NAALADL2: variants seen among roughly 807,000 people sequenced by gnomAD.
NAALADL2 encodes the protein N-acetylated alpha-linked acidic dipeptidase like 2, also known as inactive N-acetylated-alpha-linked acidic dipeptidase-like protein 2.
A neutral mutation model predicts 87.2 loss-of-function variants in NAALADL2; 76 were observed. The ratio of observed to expected loss-of-function variants is 0.87; its 90% CI spans 0.72 to 1.05. The LOEUF is 1.05. Among genes scored for constraint, NAALADL2 ranks in the 50% least tolerant of loss-of-function variants. NAALADL2 has a pLI of 0.00. For missense variants in NAALADL2, 1,089 were observed against 945.8 expected, an observed-to-expected ratio of 1.15 and a Z score of -1.99; for synonymous variants, 354 against 331.0, an observed-to-expected ratio of 1.07 and a Z score of -0.75.
intron 2 of NAALADL2, among the ~76,000 whole-genome samples, chr3:175,204,679 G>A (rs1004862704): frequency 9.4e-5 from 11 of 117,232 alleles, no homozygotes; most frequent in Non-Finnish European, 1.7e-4. Context: ...TGATGTGATT[G>A]TTTACCTTGA....
At chr3:175,563,516 G>T (rs1387716960) in intron 9 of NAALADL2, among the ~76,000 whole-genome samples, 1 of 152,284 alleles carries the variant, frequency 6.6e-6, no homozygotes, top group African/African-American at 2.4e-5. Flanking sequence ...ACTCTAAACT[G>T]GATGGTGTTT....
chr3:175,651,619 T>C (rs1730779584), intron 11 of NAALADL2, among the ~76,000 whole-genome samples: 1 of 152,210 alleles, frequency 6.6e-6, no homozygotes, highest in Admixed American at 6.5e-5. Context: ...ATATAAGTCC[T>C]TCACCACAAC....
At chr3:175,640,788 T>G (rs922814174) in intron 11 of NAALADL2, among the ~76,000 whole-genome samples, 1 of 152,190 alleles carries the variant, frequency 6.6e-6, no homozygotes, top group Non-Finnish European at 1.5e-5. Context: ...TTAACAAGTG[T>G]TGTATACGAG....
At chr3:174,612,824 G>A (rs1720063637) in intron 2 of NAALADL2, among the ~76,000 whole-genome samples, 1 of 152,048 alleles carries the variant, frequency 6.6e-6, no homozygotes, top group Non-Finnish European at 1.5e-5. Context: ...GGTAAGTCAT[G>A]TTTTCCTGGA....
At chr3:174,448,284 A>T (rs182914441) in intron 1 of NAALADL2, among the ~76,000 whole-genome samples, 1 of 152,212 alleles carries the variant, frequency 6.6e-6, no homozygotes, top group Admixed American at 6.5e-5. Flanking sequence ...ATGTGTGTGT[A>T]TAGTTCTGTG....
Position 174,693,569 on chromosome 3 carries a change from G to C in NAALADL2, c.-114-44072G>C, listed in dbSNP as rs749196523. Among the ~76,000 whole-genome samples the C allele has an allele frequency of 9.9e-5, 15 of 152,058 alleles. 1 individual carries two copies. The highest frequency in any genetic ancestry group is 2.6e-4 in the Admixed American group (4 of 15,272). On this transcript the variant is annotated intron_variant, in intron 2 of 3. Coordinates refer to the NAALADL2 transcript ENST00000434257. ...ATTCAATTCAGAGTATGTTGAAAAG[G>C]CTTTTGTAACATATCTTTGAATTGC...
intron 1 of NAALADL2, among the ~76,000 whole-genome samples, chr3:175,075,317 T>C (rs548359150): frequency 6.6e-6 from 1 of 152,060 alleles, no homozygotes; most frequent in South Asian, 2.1e-4. Flanking sequence ...TCTTTTAGTC[T>C]GCTTTATGCA....
chr3:175,206,786 A>G (rs1262858204), intron 2 of NAALADL2, among the ~76,000 whole-genome samples: 1 of 152,162 alleles, frequency 6.6e-6, no homozygotes, highest in African/African-American at 2.4e-5. Flanking sequence ...AGAGGGGTAG[A>G]GCCACTGACA....
intron 5 of NAALADL2, among the ~76,000 whole-genome samples, chr3:175,408,836 A>T (rs945832228): frequency 6.6e-6 from 1 of 152,000 alleles, no homozygotes; most frequent in Non-Finnish European, 1.5e-5. Context: ...AAACAATCAC[A>T]TGCTGGAATA....
chr3:175,755,098 A>G, intron 12 of NAALADL2, 122 bp from the exon 13 acceptor site: 1 of 752,298 alleles, frequency 1.3e-6, no homozygotes, highest in Non-Finnish European at 2.1e-6. Flanking sequence ...ACTGTCAATG[A>G]CAATTTCCTC....
At chr3:175,538,407 A>G (rs982298119) in intron 9 of NAALADL2, among the ~76,000 whole-genome samples, 3 of 152,048 alleles carry the variant, frequency 2.0e-5, no homozygotes, top group Non-Finnish European at 4.4e-5. Context: ...TATTTCAGCT[A>G]TAAGGCAGGA....
At chr3:175,275,312 A>AAGTGAATT (rs1424316643) in intron 4 of NAALADL2, among the ~76,000 whole-genome samples, 1 of 152,214 alleles carries the variant, frequency 6.6e-6, no homozygotes, top group Admixed American at 6.5e-5. Context: ...CATATAGAAT[A>AAGTGAATT]AGTGACTTTC....
At chr3:174,810,113 A>C (rs1719999426) in intron 3 of NAALADL2, among the ~76,000 whole-genome samples, 1 of 152,146 alleles carries the variant, frequency 6.6e-6, no homozygotes, top group Non-Finnish European at 1.5e-5. Flanking sequence ...TTTTCTTTAT[A>C]AATGATCCAT....
intron 1 of NAALADL2, among the ~76,000 whole-genome samples, chr3:174,865,864 C>T (rs1477331432): frequency 6.6e-6 from 1 of 151,882 alleles, no homozygotes; most frequent in African/African-American, 2.4e-5. Context: ...TATGTATTTA[C>T]TTGCTTTATT....
At chr3:174,925,503 G>A (rs897015009) in intron 1 of NAALADL2, among the ~76,000 whole-genome samples, 3 of 152,266 alleles carry the variant, frequency 2.0e-5, no homozygotes, top group African/African-American at 4.8e-5. Flanking sequence ...GTCAGGTAGT[G>A]TGATGCCTCC....
chr3:175,721,461 C>T (rs1742228947), intron 11 of NAALADL2, among the ~76,000 whole-genome samples: 1 of 152,052 alleles, frequency 6.6e-6, no homozygotes. Context: ...ATATTAATTT[C>T]ATGTCACACA....
intron 10 of NAALADL2, among the ~76,000 whole-genome samples, chr3:175,617,994 A>G (rs1335874919): frequency 7.2e-5 from 11 of 152,202 alleles, no homozygotes; most frequent in Admixed American, 3.3e-4. Flanking sequence ...TGTTCTTCCA[A>G]TTGGATAAGG....
At chr3:175,535,652 C>T (rs976382914) in intron 9 of NAALADL2, among the ~76,000 whole-genome samples, 6 of 152,096 alleles carry the variant, frequency 3.9e-5, no homozygotes, top group African/African-American at 1.4e-4. Flanking sequence ...TATAGCATTT[C>T]CTCCTCAAGG....
rs942476492 is a variant in NAALADL2, at chr3:175,755,345, C to T, written c.2116C>T (p.Arg706Trp). The T allele has an allele frequency of 1.2e-5, 19 of 1,612,626 alleles. No homozygotes were observed. The highest frequency in any genetic ancestry group is 8.9e-5 in the East Asian group (4 of 44,838). The change falls in exon 13 of 14, where the codon CGG becomes TGG. Residue 706 changes from arginine (R) to tryptophan (W), a missense_variant. Coordinates refer to ENST00000454872, the MANE Select transcript of NAALADL2 (RefSeq NM_207015.3). ...DPKERAPIRI[R>W]MLNDILQDME... Reference sequence around the variant, plus strand: ...CAAGGAGAGAGCACCCATCCGCATCCGGATGCTGAATGACATTCTCCAAGA... The same window carrying T: ...CAAGGAGAGAGCACCCATCCGCATCTGGATGCTGAATGACATTCTCCAAGA...
Sources: allele counts gnomAD v4.1 joint callset (sites outside exome capture counted in the v4.1 genomes callset), GRCh38; gene constraint gnomAD v4.1.1; transcripts MANE v1.5; gene names NCBI Gene and HGNC (gene_info 2026-07-23, HGNC 2026-07-21).